NELL2: variants seen among roughly 807,000 people sequenced by gnomAD.
NELL2 encodes neural EGFL like 2.
A neutral mutation model predicts 109.6 loss-of-function variants in NELL2; 41 were observed. The observed-to-expected ratio is 0.37, with a 90% CI of 0.29 to 0.49. The LOEUF (loss-of-function observed/expected upper bound fraction) is 0.49. NELL2 is among the 20% of genes least tolerant of loss of function. The pLI is 0.98. For missense variants in NELL2, 900 were observed against 1,008.3 expected (o/e 0.89, Z 1.45); for synonymous variants, 355 against 344.7 (o/e 1.03, Z -0.33).
intron 9 of NELL2, among the ~76,000 whole-genome samples, chr12:44,760,289 C>T (rs10785525): frequency 0.7 from 106,517 of 151,950 alleles, 37,619 homozygotes; most frequent in Non-Finnish European, 0.74. Context: ...TTAAAAACCC[C>T]AAATAACCAC....
At chr12:44,513,242 T>G (rs2138960882) in intron 19 of NELL2, among the ~76,000 whole-genome samples, 1 of 152,090 alleles carries the variant, frequency 6.6e-6, no homozygotes, top group South Asian at 2.1e-4. Context: ...CTAACTGGTG[T>G]AAAGCCAACC....
intron 2 of NELL2, among the ~76,000 whole-genome samples, chr12:44,820,401 G>A (rs1943500481): frequency 6.6e-6 from 1 of 152,148 alleles, no homozygotes; most frequent in Non-Finnish European, 1.5e-5. Context: ...GAGGTCAGGA[G>A]ATTGAGACCA....
At chr12:44,711,536 C>T (rs1329520344) in intron 10 of NELL2, 142 bp from the exon 11 acceptor site, 1 of 599,188 alleles carries the variant, frequency 1.7e-6, no homozygotes, top group Admixed American at 3.0e-5. Context: ...TGGGCTCACT[C>T]CCAAAATGAC....
chr12:44,741,547 T>A (rs1344056586), intron 9 of NELL2, among the ~76,000 whole-genome samples: 2 of 152,162 alleles, frequency 1.3e-5, no homozygotes, highest in Admixed American at 6.5e-5. Context: ...GGAATTCCCT[T>A]TCCTAGTCAA....
chr12:44,901,627 A>G (rs539813387), intron 1 of NELL2, among the ~76,000 whole-genome samples: 1 of 152,336 alleles, frequency 6.6e-6, no homozygotes, highest in East Asian at 1.9e-4. Flanking sequence ...AACATCCCTC[A>G]TGAACACTGA....
At chr12:44,612,806 T>C (rs543398104) in intron 13 of NELL2, among the ~76,000 whole-genome samples, 3 of 152,198 alleles carry the variant, frequency 2.0e-5, no homozygotes, top group South Asian at 4.1e-4. Context: ...TGATGCTGTT[T>C]TAATCCCTGC....
intron 13 of NELL2, among the ~76,000 whole-genome samples, chr12:44,659,747 A>C (rs1201056827): frequency 6.6e-6 from 1 of 152,244 alleles, no homozygotes; most frequent in East Asian, 1.9e-4. Context: ...TTCAGAAGTG[A>C]AACTCCTTGA....
intron 13 of NELL2, among the ~76,000 whole-genome samples, chr12:44,613,200 A>G (rs982067358): frequency 2.0e-5 from 3 of 151,944 alleles, no homozygotes; most frequent in Admixed American, 6.6e-5. Flanking sequence ...GCTGCTATCT[A>G]TTTTCCCTAA....
At chr12:44,816,239 GC>G (rs1468805489) in intron 2 of NELL2, 103 bp from the exon 3 acceptor site, 7 of 971,692 alleles carry the variant, frequency 7.2e-6, no homozygotes, top group Non-Finnish European at 8.9e-6. Context: ...TTTATCAGTA[GC>G]AGCTGATAAA....
At chr12:44,790,269 G>A (rs1459727003) in intron 3 of NELL2, among the ~76,000 whole-genome samples, 1 of 152,146 alleles carries the variant, frequency 6.6e-6, no homozygotes, top group Non-Finnish European at 1.5e-5. Context: ...CAGATTAACA[G>A]CAAATTTCTC....
intron 9 of NELL2, among the ~76,000 whole-genome samples, chr12:44,751,165 T>A (rs1335912875): frequency 6.6e-6 from 1 of 151,982 alleles, no homozygotes. Context: ...GACAGGGTAA[T>A]AGGAGCTGAA....
chr12:44,661,459 G>A (rs1204458623), intron 13 of NELL2, among the ~76,000 whole-genome samples: 1 of 152,152 alleles, frequency 6.6e-6, no homozygotes, highest in Non-Finnish European at 1.5e-5. Context: ...TTCTTCTGAG[G>A]AGGTAATCAG....
At chr12:44,831,868 T>C (rs989901964) in intron 2 of NELL2, among the ~76,000 whole-genome samples, 2 of 152,176 alleles carry the variant, frequency 1.3e-5, no homozygotes, top group Non-Finnish European at 1.5e-5. Flanking sequence ...TAGATTGTTA[T>C]ATAAAAAAGA....
intron 13 of NELL2, among the ~76,000 whole-genome samples, chr12:44,652,759 G>T (rs1947347202): frequency 6.6e-6 from 1 of 152,186 alleles, no homozygotes. Flanking sequence ...TAGGTCAGAA[G>T]TCCAACATAC....
At chr12:44,880,155 AG>A (rs1945395804), upstream of NELL2, among the ~76,000 whole-genome samples, 10 of 150,684 alleles carry the variant, frequency 6.6e-5, no homozygotes, top group Admixed American at 5.9e-4. Context: ...AGAGAGAGAG[AG>A]AAAAACAGAG....
chr12:44,811,818 T>A (rs1943189030), intron 3 of NELL2, among the ~76,000 whole-genome samples: 1 of 152,134 alleles, frequency 6.6e-6, no homozygotes, highest in Admixed American at 6.5e-5. Flanking sequence ...TCATTTCATG[T>A]TTATTCTATA....
At chr12:44,745,742 G>A (rs565049318) in intron 9 of NELL2, among the ~76,000 whole-genome samples, 2 of 152,262 alleles carry the variant, frequency 1.3e-5, no homozygotes, top group South Asian at 4.1e-4. Flanking sequence ...ACTTAGAAGG[G>A]ATGTGAAGGA....
intron 3 of NELL2, among the ~76,000 whole-genome samples, chr12:44,801,525 G>T (rs915788967): frequency 6.6e-6 from 1 of 152,054 alleles, no homozygotes; most frequent in Non-Finnish European, 1.5e-5. Context: ...AGGACGATGG[G>T]CTGTGACGCC....
At chr12:44,595,573 CCTG>C (rs1324517163) in intron 15 of NELL2, among the ~76,000 whole-genome samples, 1 of 151,198 alleles carries the variant, frequency 6.6e-6, no homozygotes, top group Non-Finnish European at 1.5e-5. Context: ...ACTACAGGCG[CCTG>C]CCACCACACC....
Sources: gnomAD v4.1 joint callset for allele counts (sites outside exome capture counted in the v4.1 genomes callset) on GRCh38, gnomAD v4.1.1 for gene constraint, MANE v1.5 for transcripts, NCBI Gene and HGNC (gene_info 2026-07-23, HGNC 2026-07-21) for gene names.